VPS53: variants seen among roughly 807,000 people sequenced by gnomAD.
VPS53 encodes VPS53 subunit of GARP complex.
A neutral mutation model predicts 107.0 loss-of-function variants in VPS53; 70 were observed. That is an observed-to-expected ratio of 0.65 (90% CI 0.54 to 0.80). The LOEUF (loss-of-function observed/expected upper bound fraction) is 0.80. Ranked by LOEUF, VPS53 falls within the 30% of genes least tolerant of loss-of-function variation. The pLI is 0.00. For synonymous variants in VPS53, 409 were observed against 393.3 expected, an observed-to-expected ratio of 1.04 and a Z score of -0.47; for missense variants, 917 against 1,049.4, an observed-to-expected ratio of 0.87 and a Z score of 1.74.
chr17:714,039 C>T (rs1973747480), intron 1 of VPS53: 1 of 127,696 alleles, frequency 7.8e-6, no homozygotes, highest in Admixed American at 8.4e-5. Flanking sequence ...AGCGAGAATC[C>T]GTCTCAAAAA....
chr17:573,666 C>A (rs956687711), intron 13 of VPS53, among the ~76,000 whole-genome samples: 1 of 152,160 alleles, frequency 6.6e-6, no homozygotes, highest in Admixed American at 6.6e-5. Flanking sequence ...GCCACAAAGT[C>A]CATGAGGTCG....
At chr17:597,905 A>G (rs550165376) in intron 12 of VPS53, among the ~76,000 whole-genome samples, 22 of 151,802 alleles carry the variant, frequency 1.4e-4, no homozygotes, top group African/African-American at 5.1e-4. Flanking sequence ...CTCTGGTTCA[A>G]AAAAAAATTT....
chr17:520,031 G>T lies in VPS53; in HGVS notation c.2224-101C>A. The T allele has an allele frequency of 2.6e-6, 2 of 781,462 alleles. No homozygotes were observed. Among genetic ancestry groups the T allele is most frequent in the South Asian group, 3.2e-5 (2 of 62,512 alleles). 48.4% of individuals were successfully genotyped at this position (781,462 alleles called of 1,614,324 possible). A position where few individuals can be genotyped will look rare whatever the true frequency, so the allele number is the denominator to read the frequency against. ...GAAAACTCACTACCCACCGCAGGAG[G>T]AGACGGGAGCGGGCCCTTCAGGAAA... On this transcript the variant is annotated intron_variant, in intron 20 of 21. Coordinates refer to ENST00000437048, the MANE Select transcript of VPS53 (RefSeq NM_001128159.3). The surrounding 1 kb of genome is among the most constrained non-coding windows in gnomAD (Gnocchi z 4.4).
intron 11 of VPS53, among the ~76,000 whole-genome samples, chr17:612,399 T>C (rs1193315474): frequency 1.5e-5 from 2 of 130,298 alleles, no homozygotes; most frequent in African/African-American, 5.7e-5. Flanking sequence ...TTCACAGCAG[T>C]ATTCAAATAG....
At chr17:581,189 C>G (rs2142997619) in intron 13 of VPS53, among the ~76,000 whole-genome samples, 1 of 151,704 alleles carries the variant, frequency 6.6e-6, no homozygotes, top group Admixed American at 6.6e-5. Flanking sequence ...TCCCTCAGAA[C>G]CTAATGCATT....
intron 5 of VPS53, among the ~76,000 whole-genome samples, chr17:660,908 T>C (rs1971410504): frequency 2.0e-5 from 3 of 152,112 alleles, no homozygotes; most frequent in Non-Finnish European, 4.4e-5. Flanking sequence ...GAACCCAGGA[T>C]CCAGCACTTC....
intron 4 of VPS53, among the ~76,000 whole-genome samples, chr17:666,337 A>T (rs576113918): frequency 2.8e-4 from 42 of 152,316 alleles, no homozygotes; most frequent in Middle Eastern, 3.4e-3. Flanking sequence ...TTGAAGGAGA[A>T]GGAAAGAGTG....
chr17:664,307 T>C (rs898636337), intron 4 of VPS53, among the ~76,000 whole-genome samples: 1 of 152,144 alleles, frequency 6.6e-6, no homozygotes, highest in Non-Finnish European at 1.5e-5. Flanking sequence ...CTCGATCTCC[T>C]GACCTCGTGA....
At chr17:627,126 T>C (rs1698912124) in intron 10 of VPS53, 48 bp downstream of exon 10, 1 of 1,582,520 alleles carries the variant, frequency 6.3e-7, no homozygotes, top group Admixed American at 1.8e-5. Context: ...GGGGAACCGA[T>C]GGTGAAAATT....
chr17:702,601 G>A (rs1973249620), intron 2 of VPS53, among the ~76,000 whole-genome samples: 1 of 152,132 alleles, frequency 6.6e-6, no homozygotes, highest in Non-Finnish European at 1.5e-5. Context: ...AGGAAGCAGA[G>A]GTTGCGGTGA....
intron 8 of VPS53, among the ~76,000 whole-genome samples, chr17:629,339 T>C (rs1969843845): frequency 6.6e-6 from 1 of 152,226 alleles, no homozygotes; most frequent in Non-Finnish European, 1.5e-5. Context: ...GTTCACGGGT[T>C]CAGATTTTTT....
chr17:611,372 T>C (rs532239717), intron 11 of VPS53, among the ~76,000 whole-genome samples: 3 of 152,164 alleles, frequency 2.0e-5, no homozygotes, highest in South Asian at 4.1e-4. Context: ...AAAAAGCAAA[T>C]GAAAACCACA....
chr17:546,329 T>TCTCACACACACACA, intron 17 of VPS53, among the ~76,000 whole-genome samples: 1 of 131,868 alleles, frequency 7.6e-6, no homozygotes, highest in Non-Finnish European at 1.6e-5. Flanking sequence ...CTTAGATATC[T>TCTCACACACACACA]CACACACACA....
At chr17:695,711 C>T (rs1479332520) in intron 4 of VPS53, among the ~76,000 whole-genome samples, 1 of 152,056 alleles carries the variant, frequency 6.6e-6, no homozygotes, top group African/African-American at 2.4e-5. Flanking sequence ...CACCACCATG[C>T]CCAGCTAATT....
chr17:610,273 A>G (rs1028204741), intron 11 of VPS53, among the ~76,000 whole-genome samples: 2 of 152,306 alleles, frequency 1.3e-5, no homozygotes, highest in East Asian at 3.9e-4. Flanking sequence ...GGAATCACTG[A>G]GTATCTATAG....
intron 4 of VPS53, among the ~76,000 whole-genome samples, chr17:679,561 G>C (rs563174363): frequency 6.6e-6 from 1 of 152,180 alleles, no homozygotes; most frequent in African/African-American, 2.4e-5. Flanking sequence ...TATAAACAGA[G>C]AATTGGAAAG....
At chr17:693,671 T>C (rs2143880752) in intron 4 of VPS53, among the ~76,000 whole-genome samples, 1 of 152,252 alleles carries the variant, frequency 6.6e-6, no homozygotes, top group South Asian at 2.1e-4. Context: ...GAGTTCAAGG[T>C]TACCGTGAAA....
chr17:604,571 G>A (rs969686600), intron 11 of VPS53, among the ~76,000 whole-genome samples: 5 of 152,204 alleles, frequency 3.3e-5, no homozygotes, highest in African/African-American at 1.2e-4. Flanking sequence ...AGCCTCCTGA[G>A]TAGCTGGGAC....
At chr17:593,109 T>A in intron 12 of VPS53, among the ~76,000 whole-genome samples, 1 of 152,154 alleles carries the variant, frequency 6.6e-6, no homozygotes, top group Non-Finnish European at 1.5e-5. Context: ...TAGCCATATG[T>A]AGAAAGCTGA....
Sources: gnomAD v4.1 joint callset for allele counts (sites outside exome capture counted in the v4.1 genomes callset) on GRCh38, gnomAD v4.1.1 for gene constraint, Gnocchi (gnomAD v3.1) non-coding constraint, MANE v1.5 for transcripts, NCBI Gene and HGNC (gene_info 2026-07-23, HGNC 2026-07-21) for gene names.